The following CSMD1 variants were observed in gnomAD, a reference collection of about 807,000 sequenced individuals.
CSMD1 encodes CUB and Sushi multiple domains 1.
CSMD1 carries 213 observed loss-of-function variants against 417.5 expected under a neutral mutation model. The ratio of observed to expected loss-of-function variants is 0.51; its 90% CI spans 0.46 to 0.57. The LOEUF (loss-of-function observed/expected upper bound fraction) is 0.57. Ranked by LOEUF, CSMD1 falls within the 20% of genes least tolerant of loss-of-function variation. CSMD1 has a pLI of 0.00. For missense variants in CSMD1, 6,923 were observed against 4,529.7 expected (o/e 1.53, Z -15.17); for synonymous variants, 2,862 against 1,736.8 (o/e 1.65, Z -16.11).
intron 15 of CSMD1, among the ~76,000 whole-genome samples, chr8:3,404,228 G>C (rs1451017959): frequency 6.6e-6 from 1 of 151,938 alleles, no homozygotes; most frequent in African/African-American, 2.4e-5. Context: ...CAGTTACTCA[G>C]GAAGGCTGAG....
intron 3 of CSMD1, among the ~76,000 whole-genome samples, chr8:4,250,906 A>G (rs17069747): frequency 0.095 from 14,496 of 152,184 alleles, 985 homozygotes; most frequent in East Asian, 0.36. Flanking sequence ...CTCTTAAACA[A>G]TAAGGTCTTA....
intron 6 of CSMD1, among the ~76,000 whole-genome samples, chr8:3,718,141 A>C (rs997579168): frequency 2.6e-5 from 4 of 152,196 alleles, no homozygotes; most frequent in Non-Finnish European, 4.4e-5. Flanking sequence ...TTTGGGATAA[A>C]TCTATTATTG....
intron 17 of CSMD1, among the ~76,000 whole-genome samples, chr8:3,391,880 A>C (rs1178673859): frequency 6.6e-6 from 1 of 152,186 alleles, no homozygotes. Context: ...AATGTGAAAC[A>C]TGTATGATGA....
intron 12 of CSMD1, among the ~76,000 whole-genome samples, chr8:3,447,540 G>T (rs1274966599): frequency 6.6e-6 from 1 of 152,160 alleles, no homozygotes; most frequent in Admixed American, 6.6e-5. Context: ...GGGACAGGTG[G>T]CACCCGGAAC....
At chr8:4,712,076 T>A (rs1419988647) in intron 1 of CSMD1, among the ~76,000 whole-genome samples, 1 of 152,188 alleles carries the variant, frequency 6.6e-6, no homozygotes, top group Non-Finnish European at 1.5e-5. Flanking sequence ...TTCACTGCCA[T>A]GAAGAAGAAA....
intron 1 of CSMD1, among the ~76,000 whole-genome samples, chr8:4,668,541 C>G (rs1805096079): frequency 6.6e-6 from 1 of 151,336 alleles, no homozygotes; most frequent in African/African-American, 2.4e-5. Context: ...GCTCCGCCTC[C>G]CTGGTTCACG....
chr8:4,244,197 T>A (rs1157323706), intron 3 of CSMD1, among the ~76,000 whole-genome samples: 13 of 152,148 alleles, frequency 8.5e-5, no homozygotes, highest in Non-Finnish European at 1.9e-4. Flanking sequence ...TAGGCTTAGC[T>A]GAGCTAGACC....
intron 5 of CSMD1, among the ~76,000 whole-genome samples, chr8:3,937,355 G>A (rs1456333906): frequency 6.6e-6 from 1 of 152,084 alleles, no homozygotes; most frequent in Non-Finnish European, 1.5e-5. Flanking sequence ...TTCATTAAAG[G>A]AGGAATCAAC....
At chr8:3,154,961 G>C (rs965605559) in intron 39 of CSMD1, among the ~76,000 whole-genome samples, 3 of 152,096 alleles carry the variant, frequency 2.0e-5, no homozygotes, top group Non-Finnish European at 4.4e-5. Context: ...ATCTGTCTTT[G>C]AGATTTATCA....
intron 12 of CSMD1, among the ~76,000 whole-genome samples, chr8:3,463,220 C>G (rs902623615): frequency 6.6e-6 from 1 of 152,210 alleles, no homozygotes; most frequent in Admixed American, 6.5e-5. Flanking sequence ...CCCAACTCCA[C>G]TTCCTTCTCT....
At chr8:4,577,711 C>T (rs998894969) in intron 2 of CSMD1, among the ~76,000 whole-genome samples, 1 of 152,194 alleles carries the variant, frequency 6.6e-6, no homozygotes, top group South Asian at 2.1e-4. Context: ...AGTGCCCTTG[C>T]ACCCTAACAC....
intron 41 of CSMD1, among the ~76,000 whole-genome samples, chr8:3,140,738 AG>A (rs1563079661): frequency 6.6e-6 from 1 of 151,952 alleles, no homozygotes; most frequent in Non-Finnish European, 1.5e-5. Context: ...AAAAAAAAAA[AG>A]TTAGGCTCTA....
At chr8:3,652,319 G>C (rs1428051233) in intron 7 of CSMD1, among the ~76,000 whole-genome samples, 1 of 150,406 alleles carries the variant, frequency 6.6e-6, no homozygotes, top group Non-Finnish European at 1.5e-5. Context: ...ACCACCATCG[G>C]AGTGCTCACC....
At position 3,289,373 on chromosome 8, in the gene CSMD1, C is replaced by T. The variant is rs1328165325; in HGVS notation, c.3951-5027G>A. Among the ~76,000 whole-genome samples, 3 of 147,396 alleles carry T rather than the reference C, an allele frequency of 2.0e-5. 1 individual carries two copies. The highest frequency in any genetic ancestry group is 8.1e-5 in the African/African-American group (3 of 37,146). On this transcript the variant is annotated intron_variant, in intron 25 of 69. Transcript: ENST00000635120. ...GGGATGGCTGGGTCAAATGGTATTT[C>T]TAGTTCTAGATCCCTGAGGAATCGC...
chr8:4,070,592 C>G (rs897734384), intron 3 of CSMD1, among the ~76,000 whole-genome samples: 1 of 152,088 alleles, frequency 6.6e-6, no homozygotes, highest in African/African-American at 2.4e-5. Flanking sequence ...CTCCTGACCT[C>G]GTGATCCACC....
At chr8:3,769,270 G>C (rs547165951) in intron 5 of CSMD1, among the ~76,000 whole-genome samples, 13 of 152,176 alleles carry the variant, frequency 8.5e-5, no homozygotes, top group African/African-American at 3.1e-4. Context: ...ATATATATCA[G>C]TAACAAACTA....
At chr8:4,154,034 G>T (rs1303261186) in intron 3 of CSMD1, among the ~76,000 whole-genome samples, 1 of 152,142 alleles carries the variant, frequency 6.6e-6, no homozygotes, top group African/African-American at 2.4e-5. Context: ...TTTTCAGCTT[G>T]CTGCCACATT....
intron 3 of CSMD1, among the ~76,000 whole-genome samples, chr8:4,374,207 A>C (rs1045696177): frequency 2.6e-5 from 4 of 152,106 alleles, no homozygotes. Context: ...AGCTTTGAGG[A>C]AGGATTAACA....
chr8:4,287,481 T>G (rs947729944), intron 3 of CSMD1, among the ~76,000 whole-genome samples: 4 of 152,084 alleles, frequency 2.6e-5, no homozygotes, highest in Admixed American at 6.5e-5. Flanking sequence ...CCCAGGAAAC[T>G]TACTTTACAT....
Sources: allele counts gnomAD v4.1 joint callset (sites outside exome capture counted in the v4.1 genomes callset), GRCh38; gene constraint gnomAD v4.1.1; transcripts MANE v1.5; gene names NCBI Gene and HGNC (gene_info 2026-07-23, HGNC 2026-07-21).